The following SLC12A8 variants were observed in gnomAD, a reference collection of about 807,000 sequenced individuals.
SLC12A8 encodes the protein solute carrier family 12 member 8.
A neutral mutation model predicts 75.6 loss-of-function variants in SLC12A8; 69 were observed. The ratio of observed to expected loss-of-function variants is 0.91; its 90% CI spans 0.75 to 1.11. The LOEUF (loss-of-function observed/expected upper bound fraction) is 1.11. Among genes scored for constraint, SLC12A8 ranks in the 50% most tolerant of loss-of-function variants. The probability of loss-of-function intolerance (pLI) is 0.00; values close to 1 mark genes in which losing one functional copy is unlikely to be tolerated. For missense variants in SLC12A8, 877 were observed against 896.7 expected (o/e 0.98, Z 0.28); for synonymous variants, 365 against 372.8 (o/e 0.98, Z 0.24).
At chr3:125,208,811 G>GAAAGAA (rs796139654) in intron 2 of SLC12A8, among the ~76,000 whole-genome samples, 7 of 141,580 alleles carry the variant, frequency 4.9e-5, no homozygotes, top group African/African-American at 1.4e-4. Flanking sequence ...GAGAGAGAGA[G>GAAAGAA]AGAGAGAGAG....
intron 6 of SLC12A8, among the ~76,000 whole-genome samples, chr3:125,123,895 T>C (rs1933126188): frequency 6.6e-6 from 1 of 152,170 alleles, no homozygotes; most frequent in African/African-American, 2.4e-5. Context: ...TCAGATCTTT[T>C]ATACAGAAGT....
chr3:125,189,047 A>T (rs1934856079), intron 3 of SLC12A8, among the ~76,000 whole-genome samples: 1 of 152,262 alleles, frequency 6.6e-6, no homozygotes, highest in Non-Finnish European at 1.5e-5. Flanking sequence ...GTTTAGTCAA[A>T]CACTAGTCTA....
intron 8 of SLC12A8, among the ~76,000 whole-genome samples, chr3:125,113,759 A>G (rs1939241412): frequency 1.3e-5 from 2 of 152,058 alleles, no homozygotes; most frequent in Non-Finnish European, 2.9e-5. Flanking sequence ...AAAATATTAC[A>G]TGGGGTGTGA....
At position 125,187,345 on chromosome 3, in the gene SLC12A8, G is replaced by T. The variant is rs371999573; in HGVS notation, c.282C>A (p.Gly94=). ...VALVTVLSGI[G]VGERSSIGSG... is the part of the protein sequence containing the mutation. Reference sequence around the variant, plus strand: ...TGCCGATGCTGCTGCGCTCCCCGACGCCAATGCCAGACAGCACCGTGACGA... The same window carrying T: ...TGCCGATGCTGCTGCGCTCCCCGACTCCAATGCCAGACAGCACCGTGACGA... Residue 94 remains glycine (G), a synonymous_variant, in exon 4 of 14, where the codon GGC becomes GGA. Transcript: ENST00000469902. The T allele has an allele frequency of 6.2e-7, 1 of 1,614,024 alleles. No homozygotes were observed. The highest frequency in any genetic ancestry group is 8.5e-7 in the Non-Finnish European group (1 of 1,180,030).
At chr3:125,097,583 G>A (rs1037360645) in intron 10 of SLC12A8, among the ~76,000 whole-genome samples, 3 of 142,724 alleles carry the variant, frequency 2.1e-5, no homozygotes, top group African/African-American at 7.8e-5. Context: ...TGTGTGTTCT[G>A]AGGAACTTGG....
In SLC12A8 at chr3:125,091,514, A is replaced by T. The variant is rs1327680558; in HGVS notation, c.1846T>A (p.Tyr616Asn). ...GCAACACCCATGTTAACCAGGGTAT[A>T]CACCCACTGTATCACAAACATGATG... ...LLIMFVIQWV[Y>N]TLVNMGVAAI... is the part of the protein sequence containing the mutation. The change falls in exon 12 of 14, where the codon TAT (tyrosine) becomes AAT (asparagine). Residue 616 changes from tyrosine (Y) to asparagine (N), a missense_variant. By Grantham distance (143) the Tyr-to-Asn change is moderately radical (BLOSUM62 -2). Coordinates refer to ENST00000469902, the MANE Select transcript of SLC12A8 (RefSeq NM_024628.6). 1 of 1,613,886 alleles carries T rather than the reference A, an allele frequency of 6.2e-7. No homozygotes were observed. Among genetic ancestry groups the T allele is most frequent in the Non-Finnish European group, 8.5e-7 (1 of 1,179,896 alleles).
At position 125,138,525 on chromosome 3, in the gene SLC12A8, G is replaced by A. The variant is rs1321294894; in HGVS notation, c.623-2743C>T. ...TTTAGTATAAGAGAAAACTGTCCAT[G>A]TTATATATACTATATGCTAATTCAG... On this transcript the variant is annotated intron_variant, in intron 5 of 13. Coordinates refer to ENST00000469902, the MANE Select transcript of SLC12A8 (RefSeq NM_024628.6). 2.0e-5 allele frequency among the ~76,000 whole-genome samples: 3 copies of A among 151,750 alleles called. No individual in the cohort carries two copies. In the East Asian group the frequency reaches 5.8e-4, roughly 29 times the overall value.
rs367975555 is a variant in SLC12A8 at position 125,177,912 on chromosome 3, G to C, written c.453C>G (p.Leu151=). 1.2e-6 allele frequency: 2 copies of C among 1,613,996 alleles called. No homozygotes were observed. The highest frequency in any genetic ancestry group is 2.7e-5 in the African/African-American group (2 of 74,920). Residue 151 remains leucine, a synonymous_variant, in exon 5 of 14, where the codon CTC becomes CTG. Transcript: ENST00000469902. ...FAESISDLLG[L]GNIWAVRGIS... is the part of the protein sequence containing the mutation. ...TTCCTCGCACAGCCCAGATATTCCCGAGGCCCAGCAAATCCGAGATGGATT... is the reference window on the plus strand; with the variant it reads ...TTCCTCGCACAGCCCAGATATTCCCCAGGCCCAGCAAATCCGAGATGGATT...
At chr3:125,095,547 T>C (rs1938692953) in intron 10 of SLC12A8, among the ~76,000 whole-genome samples, 1 of 152,236 alleles carries the variant, frequency 6.6e-6, no homozygotes, top group Non-Finnish European at 1.5e-5. Context: ...TTTCTCACTG[T>C]TAGGTGTAAC....
At chr3:125,153,002 CG>C (rs1933965877) in intron 5 of SLC12A8, among the ~76,000 whole-genome samples, 1 of 152,120 alleles carries the variant, frequency 6.6e-6, no homozygotes, top group African/African-American at 2.4e-5. Context: ...TGCAGCCAGG[CG>C]CTCCGTCCAC....
chr3:125,122,929 T>C (rs1933099186), intron 6 of SLC12A8, among the ~76,000 whole-genome samples: 1 of 152,072 alleles, frequency 6.6e-6, no homozygotes, highest in African/African-American at 2.4e-5. Context: ...ATTCTATCTA[T>C]AAAACAAGGT....
intron 6 of SLC12A8, among the ~76,000 whole-genome samples, chr3:125,124,283 G>A (rs545411711): frequency 6.6e-6 from 1 of 152,296 alleles, no homozygotes; most frequent in South Asian, 2.1e-4. Flanking sequence ...GGCAATGTGG[G>A]TGGTTCCCAC....
At chr3:125,088,279 A>C in intron 13 of SLC12A8, 31 bp downstream of exon 13, 1 of 1,611,788 alleles carries the variant, frequency 6.2e-7, no homozygotes, top group Non-Finnish European at 8.5e-7. Context: ...ACACTCATCC[A>C]TTCTGGTACT....
At chr3:125,161,008 T>A (rs978937494) in intron 5 of SLC12A8, among the ~76,000 whole-genome samples, 1 of 150,642 alleles carries the variant, frequency 6.6e-6, no homozygotes, top group Admixed American at 6.6e-5. Flanking sequence ...ATGTAATTAA[T>A]GCAGGGAGAG....
chr3:125,211,291 G>A lies in SLC12A8; in HGVS notation c.51+8C>T, dbSNP rs142571820. On this transcript the variant is annotated splice_region_variant and intron_variant, in intron 2 of 13. Coordinates refer to ENST00000469902, the MANE Select transcript of SLC12A8 (RefSeq NM_024628.6). Reference sequence around the variant, plus strand: ...TCCATCACAGACCCTGGCACATCCTGAGCCTACCTGCTGGGCTGCCTCATG... The same window carrying A: ...TCCATCACAGACCCTGGCACATCCTAAGCCTACCTGCTGGGCTGCCTCATG... The A allele has an allele frequency of 1.2e-5, 20 of 1,613,028 alleles. No homozygotes were observed. The highest frequency in any genetic ancestry group is 1.7e-4 in the Middle Eastern group (1 of 6,042).
At chr3:125,200,877 A>G (rs1935106558) in intron 2 of SLC12A8, among the ~76,000 whole-genome samples, 1 of 152,140 alleles carries the variant, frequency 6.6e-6, no homozygotes, top group Admixed American at 6.5e-5. Flanking sequence ...GAACGCAACT[A>G]TTTTTGGCTT....
At chr3:125,200,769 A>G (rs1238528707) in intron 2 of SLC12A8, among the ~76,000 whole-genome samples, 1 of 152,178 alleles carries the variant, frequency 6.6e-6, no homozygotes, top group East Asian at 1.9e-4. Flanking sequence ...TTCTTTACTA[A>G]TAACTACCTA....
At chr3:125,174,666 G>A (rs955785137) in intron 5 of SLC12A8, among the ~76,000 whole-genome samples, 4 of 152,154 alleles carry the variant, frequency 2.6e-5, no homozygotes, top group African/African-American at 9.7e-5. Flanking sequence ...TATCAAGCCA[G>A]AAAAAGACAT....
chr3:125,128,848 G>A (rs995598429), intron 6 of SLC12A8, among the ~76,000 whole-genome samples: 5 of 152,276 alleles, frequency 3.3e-5, no homozygotes, highest in African/African-American at 1.2e-4. Flanking sequence ...TAGGAGGGGG[G>A]AATGGGGGAA....
Sources: gnomAD v4.1 joint callset for allele counts (sites outside exome capture counted in the v4.1 genomes callset) on GRCh38, gnomAD v4.1.1 for gene constraint, MANE v1.5 for transcripts, NCBI Gene and HGNC (gene_info 2026-07-23, HGNC 2026-07-21) for gene names.